PRPF4: variants seen among roughly 807,000 people sequenced by gnomAD.
PRPF4 encodes the protein pre-mRNA splicing tri-snRNP complex factor PRPF4, also known as U4/U6 small nuclear ribonucleoprotein Prp4.
In PRPF4, 14 loss-of-function variants were observed where a neutral mutation model predicts 72.2. The observed-to-expected ratio is 0.19, with a 90% CI of 0.13 to 0.30. PRPF4 has a LOEUF of 0.30. Ranked by LOEUF, PRPF4 falls within the 10% of genes least tolerant of loss-of-function variation. The pLI is 1.00. For missense variants in PRPF4, 478 were observed against 653.9 expected, an observed-to-expected ratio of 0.73 and a Z score of 2.93; for synonymous variants, 225 against 232.2, an observed-to-expected ratio of 0.97 and a Z score of 0.28.
At chr9:113,283,602 T>C (rs1478442019) in intron 6 of PRPF4, 120 bp downstream of exon 6, 4 of 973,380 alleles carry the variant, frequency 4.1e-6, no homozygotes, top group Admixed American at 5.0e-5. Context: ...CCTGCTTAAG[T>C]TGAGCTGCTG....
At chr9:113,285,519 C>T (rs901388776) in intron 7 of PRPF4, among the ~76,000 whole-genome samples, 6 of 150,606 alleles carry the variant, frequency 4.0e-5, no homozygotes, top group Non-Finnish European at 8.9e-5. Context: ...GCTGGGACTA[C>T]AGGCACCCGC....
intron 1 of PRPF4, among the ~76,000 whole-genome samples, 172 bp downstream of exon 1, chr9:113,275,942 C>T (rs1832078956): frequency 6.6e-6 from 1 of 152,196 alleles, no homozygotes; most frequent in Non-Finnish European, 1.5e-5. Context: ...GATCCCTAAG[C>T]GCTTTCGTGG....
At position 113,290,594 on chromosome 9, in the gene PRPF4, G is replaced by T; in HGVS notation, c.1145+6G>T. 1 of 1,614,086 alleles carries T rather than the reference G, an allele frequency of 6.2e-7. No individual in the cohort carries two copies. The highest frequency in any genetic ancestry group is 1.3e-5 in the African/African-American group (1 of 75,008). On this transcript the variant is annotated splice_donor_region_variant and intron_variant, in intron 11 of 13. Coordinates refer to ENST00000374198, the MANE Select transcript of PRPF4 (RefSeq NM_001244926.2). ...GGCTCTTTGGCTGGCACTGGGTAAG[G>T]CTTCTCCCATGTAGTCAGGGGCAGT... is the stretch of plus-strand genomic sequence containing the variant.
chr9:113,276,804 A>G (rs987363816), intron 2 of PRPF4, 79 bp downstream of exon 2: 151 of 1,453,304 alleles, frequency 1.0e-4, no homozygotes, highest in Middle Eastern at 2.3e-4. Context: ...ACAGTTTTAT[A>G]ATGTCAAAAA....
rs368259220 is a variant in PRPF4, at chr9:113,275,896, T to A, written c.27+126T>A. 156 of 1,321,634 alleles carry A rather than the reference T, an allele frequency of 1.2e-4. No individual in the cohort carries two copies. In the African/African-American group the frequency reaches 1.8e-3, roughly 16 times the overall value. 81.9% of individuals were successfully genotyped at this position (1,321,634 alleles called of 1,614,324 possible). On this transcript the variant is annotated intron_variant, in intron 1 of 13. Transcript: ENST00000374198. Reference sequence around the variant, plus strand: ...GGGCTGAGGAGGAAGGCTGCGGGACTCAGCGGTGTCCTACACAGCGGACCA... The same window carrying A: ...GGGCTGAGGAGGAAGGCTGCGGGACACAGCGGTGTCCTACACAGCGGACCA...
intron 7 of PRPF4, 28 bp from the exon 8 acceptor site, chr9:113,286,204 C>T: frequency 6.2e-7 from 1 of 1,613,888 alleles, no homozygotes; most frequent in Non-Finnish European, 8.5e-7. Flanking sequence ...CCAACCCTGG[C>T]TGAGATGCTT....
At chr9:113,278,886 A>T in intron 2 of PRPF4, 59 bp from the exon 3 acceptor site, 1 of 1,556,432 alleles carries the variant, frequency 6.4e-7, no homozygotes, top group Non-Finnish European at 8.9e-7. Context: ...CAATTACTAG[A>T]AATTATTTCT....
At chr9:113,291,204 C>T (rs1011486156) in intron 13 of PRPF4, among the ~76,000 whole-genome samples, 188 bp downstream of exon 13, 1 of 152,162 alleles carries the variant, frequency 6.6e-6, no homozygotes, top group Admixed American at 6.5e-5. Flanking sequence ...GCACGCTTCT[C>T]GTTGCAGGAA....
rs970369672 is a variant in PRPF4, at chr9:113,282,701, G to C, written c.448G>C (p.Asp150His). The change falls in exon 4 of 14, where the codon GAT becomes CAT. Residue 150 changes from aspartate (D) to histidine (H), a missense_variant. Asp to His is a moderately conservative substitution (Grantham distance 81, BLOSUM62 -1). Transcript: ENST00000374198. Reference sequence around the variant, plus strand: ...TGATGCCTTGAAAAAGACCAAAAAGGATGATGAGAAGTCTAAAAAGTCCAA... The same window carrying C: ...TGATGCCTTGAAAAAGACCAAAAAGCATGATGAGAAGTCTAAAAAGTCCAA... ...GTDALKKTKKDDEKSKKSKEE... is the reference protein window; with the variant it reads ...GTDALKKTKKHDEKSKKSKEE... 6.2e-7 allele frequency: 1 copy of C among 1,611,826 alleles called. No homozygotes were observed. The highest frequency in any genetic ancestry group is 8.5e-7 in the Non-Finnish European group (1 of 1,178,660).
At chr9:113,286,149 G>A (rs956973399) in intron 7 of PRPF4, 83 bp from the exon 8 acceptor site, 35 of 1,444,534 alleles carry the variant, frequency 2.4e-5, no homozygotes, top group Admixed American at 8.5e-5. Flanking sequence ...GGTGAGAAGA[G>A]ATTGTCCTTT....
In PRPF4 at chr9:113,276,725, G is replaced by A; in HGVS notation, c.205G>A (p.Gly69Arg). The change falls in exon 2 of 14, where the codon GGA (glycine) becomes AGA (arginine). Residue 69 changes from glycine (G) to arginine (R), a missense_variant and splice_region_variant. By Grantham distance (125) the Gly-to-Arg change is moderately radical. Coordinates refer to ENST00000374198, the MANE Select transcript of PRPF4 (RefSeq NM_001244926.2). Reference protein sequence around the residue: ...IEAGNINITSGEVFEIEEHIS... With the variant: ...IEAGNINITSREVFEIEEHIS... ...AGCTGGAAATATTAATATAACCTCT[G>A]GTAAGATGCAAATTGTGAGCCCATC... The A allele has an allele frequency of 6.2e-7, 1 of 1,603,972 alleles. No homozygotes were observed. The highest frequency in any genetic ancestry group is 1.7e-5 in the Admixed American group (1 of 58,178).
intron 1 of PRPF4, among the ~76,000 whole-genome samples, chr9:113,276,146 G>A (rs936477123): frequency 2.0e-5 from 3 of 152,210 alleles, no homozygotes. Flanking sequence ...GTATACACTT[G>A]TAATGTTGTA....
intron 9 of PRPF4, 134 bp from the exon 10 acceptor site, chr9:113,288,041 C>A: frequency 2.7e-6 from 2 of 740,842 alleles, no homozygotes; most frequent in South Asian, 2.0e-5. Context: ...CTTATTGGGC[C>A]AAAGTAGTTT....
At chr9:113,281,304 C>G (rs985078515) in intron 3 of PRPF4, among the ~76,000 whole-genome samples, 3 of 152,154 alleles carry the variant, frequency 2.0e-5, no homozygotes, top group Non-Finnish European at 2.9e-5. Flanking sequence ...TTAGCCTTTT[C>G]AAAGGGTATA....
At position 113,284,444 on chromosome 9, in the gene PRPF4, G is replaced by T; in HGVS notation, c.749+55G>T. The T allele has an allele frequency of 3.5e-6, 5 of 1,442,620 alleles. No homozygotes were observed. In the South Asian group the frequency reaches 4.6e-5, roughly 13 times the overall value. 89.4% of individuals were successfully genotyped at this position (1,442,620 alleles called of 1,614,324 possible). The stretch of plus-strand genomic sequence containing the variant: ...CCTAAATGGGGAACAGGCTCAGGAA[G>T]AAAATTAGCATTTGCGTTAGACGTC... On this transcript the variant is annotated intron_variant, in intron 7 of 13. Transcript: ENST00000374198.
At chr9:113,288,729 G>T (rs527755544) in intron 10 of PRPF4, among the ~76,000 whole-genome samples, 3 of 152,034 alleles carry the variant, frequency 2.0e-5, no homozygotes, top group African/African-American at 7.3e-5. Context: ...CAGGTAACGC[G>T]CCCAGCCATA....
chr9:113,291,419 T>C (rs1159446378), intron 13 of PRPF4, 48 bp from the exon 14 acceptor site: 9 of 1,536,950 alleles, frequency 5.9e-6, no homozygotes, highest in Non-Finnish European at 8.0e-6. Context: ...TGTCTTCTCT[T>C]TTGAATACTT....
chr9:113,290,291 A>G (rs1588019637), intron 10 of PRPF4, among the ~76,000 whole-genome samples, 175 bp from the exon 11 acceptor site: 1 of 152,072 alleles, frequency 6.6e-6, no homozygotes, highest in South Asian at 2.1e-4. Flanking sequence ...CCTAAGGCAG[A>G]TAAGCTTAGT....
At chr9:113,288,603 A>G (rs1832521826) in intron 10 of PRPF4, among the ~76,000 whole-genome samples, 1 of 151,872 alleles carries the variant, frequency 6.6e-6, no homozygotes, top group African/African-American at 2.4e-5. Flanking sequence ...TGCCCAGCTA[A>G]TTTTTTTATT....
Sources: allele counts gnomAD v4.1 joint callset (sites outside exome capture counted in the v4.1 genomes callset), GRCh38; gene constraint gnomAD v4.1.1; transcripts MANE v1.5; gene names NCBI Gene and HGNC (gene_info 2026-07-23, HGNC 2026-07-21).